TRAPPC9: variants seen among roughly 807,000 people sequenced by gnomAD.
TRAPPC9 encodes trafficking protein particle complex subunit 9, also known as IKK2 binding protein.
TRAPPC9 carries 83 observed loss-of-function variants against 124.0 expected under a neutral mutation model. The ratio of observed to expected loss-of-function variants is 0.67; its 90% CI spans 0.56 to 0.80. The LOEUF (loss-of-function observed/expected upper bound fraction) is 0.80, where lower values mean the gene tolerates loss of function less well. Ranked by LOEUF, TRAPPC9 falls within the 30% of genes least tolerant of loss-of-function variation. The pLI is 0.00. For synonymous variants in TRAPPC9, 638 were observed against 617.5 expected (o/e 1.03, Z -0.49); for missense variants, 1,302 against 1,508.3 (o/e 0.86, Z 2.27).
chr8:140,371,336 C>T (rs894278270), intron 7 of TRAPPC9, among the ~76,000 whole-genome samples, 156 bp from the exon 8 acceptor site: 4 of 152,242 alleles, frequency 2.6e-5, no homozygotes, highest in African/African-American at 9.6e-5. Flanking sequence ...ATGGCGCAGG[C>T]CCCAGGTGGC....
chr8:140,352,366 T>C (rs1355668649), intron 9 of TRAPPC9, among the ~76,000 whole-genome samples: 3 of 152,242 alleles, frequency 2.0e-5, no homozygotes, highest in African/African-American at 4.8e-5. Flanking sequence ...AGGCACTGCA[T>C]AGCGACAGTT....
At chr8:140,024,741 G>A (rs1840028972) in intron 17 of TRAPPC9, among the ~76,000 whole-genome samples, 1 of 151,948 alleles carries the variant, frequency 6.6e-6, no homozygotes, top group Admixed American at 6.6e-5. Context: ...GATGACAGGC[G>A]TGAGCCACTG....
intron 15 of TRAPPC9, among the ~76,000 whole-genome samples, chr8:140,262,944 C>T (rs1350210009): frequency 6.6e-6 from 1 of 152,176 alleles, no homozygotes; most frequent in African/African-American, 2.4e-5. Context: ...CTTGGGGATG[C>T]ACAGAGGACA....
chr8:139,958,850 A>T (rs1001448462), intron 19 of TRAPPC9, among the ~76,000 whole-genome samples: 1 of 152,206 alleles, frequency 6.6e-6, no homozygotes, highest in Admixed American at 6.5e-5. Context: ...GCCCTCGGGA[A>T]CACATGCCAG....
At chr8:140,413,298 A>G (rs1411822428) in intron 5 of TRAPPC9, among the ~76,000 whole-genome samples, 1 of 152,188 alleles carries the variant, frequency 6.6e-6, no homozygotes, top group African/African-American at 2.4e-5. Flanking sequence ...CTGAGGCAAG[A>G]GAATCGCTTG....
chr8:139,866,802 A>T (rs1468497407), intron 21 of TRAPPC9, among the ~76,000 whole-genome samples: 1 of 152,034 alleles, frequency 6.6e-6, no homozygotes, highest in East Asian at 1.9e-4. Context: ...TCATATGTAT[A>T]TGTCTATTTC....
At chr8:140,385,016 C>T (rs2068715514) in intron 7 of TRAPPC9, among the ~76,000 whole-genome samples, 1 of 152,184 alleles carries the variant, frequency 6.6e-6, no homozygotes, top group African/African-American at 2.4e-5. Flanking sequence ...TTAAGAAACT[C>T]ACTCAAAACC....
intron 18 of TRAPPC9, among the ~76,000 whole-genome samples, chr8:140,013,216 G>A (rs1398768339): frequency 2.0e-5 from 3 of 152,148 alleles, no homozygotes; most frequent in Non-Finnish European, 2.9e-5. Context: ...CACAGTCGCA[G>A]CAGCTGGGTT....
chr8:139,917,239 T>G (rs1279968793), intron 19 of TRAPPC9, among the ~76,000 whole-genome samples: 1 of 142,026 alleles, frequency 7.0e-6, no homozygotes, highest in Non-Finnish European at 1.5e-5. Context: ...AGTGGCGCGA[T>G]CTCGGCTTAC....
chr8:139,757,585 C>T (rs1037565600), intron 21 of TRAPPC9, among the ~76,000 whole-genome samples: 5 of 151,956 alleles, frequency 3.3e-5, no homozygotes, highest in South Asian at 2.1e-4. Context: ...GATGGCATGT[C>T]GCAGGGGCCC....
intron 21 of TRAPPC9, among the ~76,000 whole-genome samples, chr8:139,819,269 T>C (rs890706661): frequency 1.3e-5 from 2 of 152,228 alleles, no homozygotes; most frequent in Non-Finnish European, 2.9e-5. Context: ...CTAGTCTAGC[T>C]GCAGGAAAAC....
chr8:140,335,370 G>A (rs1026902600), intron 9 of TRAPPC9, among the ~76,000 whole-genome samples: 1 of 152,114 alleles, frequency 6.6e-6, no homozygotes, highest in African/African-American at 2.4e-5. Context: ...AGAAACTCAG[G>A]CATTAGAATG....
chr8:140,123,271 C>T (rs1004198362), intron 17 of TRAPPC9, among the ~76,000 whole-genome samples: 8 of 152,172 alleles, frequency 5.3e-5, no homozygotes, highest in Admixed American at 1.3e-4. Flanking sequence ...GTGCTCCAGC[C>T]GGACCTCCCA....
At chr8:140,379,753 G>A (rs984436604) in intron 7 of TRAPPC9, among the ~76,000 whole-genome samples, 4 of 152,202 alleles carry the variant, frequency 2.6e-5, no homozygotes, top group East Asian at 3.9e-4. Context: ...CAATCTATAC[G>A]CTTAATAAAA....
chr8:140,441,586 CAAGGCAGGAGGATCACTT>C (rs2071018449), intron 2 of TRAPPC9, among the ~76,000 whole-genome samples: 2 of 151,408 alleles, frequency 1.3e-5, no homozygotes, highest in African/African-American at 4.9e-5. Flanking sequence ...TTTGGGAGGC[CAAGGCAGGAGGATCACTT>C]AAGGCTAGGA....
At chr8:139,839,937 C>G (rs558810008) in intron 21 of TRAPPC9, among the ~76,000 whole-genome samples, 5 of 152,366 alleles carry the variant, frequency 3.3e-5, no homozygotes, top group African/African-American at 1.2e-4. Flanking sequence ...ACTTCACTTT[C>G]TGAGACTGTG....
intron 10 of TRAPPC9, among the ~76,000 whole-genome samples, chr8:140,309,715 G>A (rs1195587636): frequency 6.6e-6 from 1 of 152,142 alleles, no homozygotes; most frequent in Non-Finnish European, 1.5e-5. Flanking sequence ...AAATGCATTC[G>A]GCTCTAAGTC....
At chr8:140,243,980 C>G (rs977270754) in intron 16 of TRAPPC9, among the ~76,000 whole-genome samples, 1 of 152,238 alleles carries the variant, frequency 6.6e-6, no homozygotes, top group Non-Finnish European at 1.5e-5. Flanking sequence ...CAGGTTCTCA[C>G]AGGAGTGCAA....
intron 21 of TRAPPC9, among the ~76,000 whole-genome samples, chr8:139,880,420 T>A (rs1387426262): frequency 6.6e-6 from 1 of 152,208 alleles, no homozygotes; most frequent in Non-Finnish European, 1.5e-5. Flanking sequence ...TGACCCCTGC[T>A]ACCCAGTTCA....
Sources: allele counts gnomAD v4.1 joint callset (sites outside exome capture counted in the v4.1 genomes callset), GRCh38; gene constraint gnomAD v4.1.1; transcripts MANE v1.5; gene names NCBI Gene and HGNC (gene_info 2026-07-23, HGNC 2026-07-21).